The following LIMCH1 variants were observed in gnomAD, a reference collection of about 807,000 sequenced individuals.
LIMCH1 encodes LIM and calponin homology domains 1.
Under a neutral mutation model 176.5 loss-of-function variants are expected in LIMCH1, and 113 were observed. The observed-to-expected ratio is 0.64, with a 90% CI of 0.55 to 0.75. LIMCH1 has a LOEUF of 0.75. LIMCH1 is among the 30% of genes least tolerant of loss of function. The pLI is 0.00. For missense variants in LIMCH1, 1,674 were observed against 1,814.9 expected (o/e 0.92, Z 1.41); for synonymous variants, 619 against 645.9 (o/e 0.96, Z 0.63).
chr4:41,444,221 ACTC>A (rs2063010523), intron 1 of LIMCH1, among the ~76,000 whole-genome samples: 1 of 150,956 alleles, frequency 6.6e-6, no homozygotes, highest in South Asian at 2.1e-4. Flanking sequence ...TGTTTTTACT[ACTC>A]CTAAACGACT....
intron 1 of LIMCH1, among the ~76,000 whole-genome samples, chr4:41,379,239 A>G (rs1037688424): frequency 3.3e-5 from 5 of 152,154 alleles, no homozygotes; most frequent in African/African-American, 4.8e-5. Context: ...ATCTGCTTCT[A>G]AGATGGCTCC....
In LIMCH1 at chr4:41,682,399, G is replaced by C. The variant is rs1411947519; in HGVS notation, c.3784G>C (p.Gly1262Arg). Residue 1262 changes from glycine to arginine, a missense_variant, in exon 26 of 32, where the codon GGA (glycine) becomes CGA (arginine). Gly to Arg is a moderately radical substitution (Grantham distance 125). This residue lies in a region of LIMCH1 where 1,015 missense variants were observed against 1,102.5 expected (regional missense o/e 0.92). Coordinates refer to ENST00000503057, the MANE Select transcript of LIMCH1 (RefSeq NM_001330672.2). ...CAGAAGATGGAAGAAATCATTCCAG[G>C]GAGATGACAGTGACTTATTGCTGAA... ...QDRRWKKSFQ[G>R]DDSDLLLKTR... 1 of 1,613,112 alleles carries C rather than the reference G, an allele frequency of 6.2e-7. No homozygotes were observed. The highest frequency in any genetic ancestry group is 1.7e-5 in the Admixed American group (1 of 59,998).
chr4:41,612,732 G>A, intron 4 of LIMCH1: 5 of 680,452 alleles, frequency 7.3e-6, no homozygotes, highest in Non-Finnish European at 1.1e-5. Context: ...CTCTGAACAT[G>A]TGGGTCAGCC....
At chr4:41,585,889 T>C (rs2086363134) in intron 1 of LIMCH1, among the ~76,000 whole-genome samples, 3 of 152,192 alleles carry the variant, frequency 2.0e-5, no homozygotes, top group Non-Finnish European at 2.9e-5. Context: ...ACATCCGAAA[T>C]GTTATACTCC....
intron 1 of LIMCH1, among the ~76,000 whole-genome samples, chr4:41,493,308 T>TC (rs1325814817): frequency 6.6e-6 from 1 of 152,182 alleles, no homozygotes; most frequent in African/African-American, 2.4e-5. Flanking sequence ...TTTTTTATGA[T>TC]CAATTTTATC....
Position 41,629,817 on chromosome 4 carries a change from T to TTG in LIMCH1, c.1271+84_1271+85insGT, listed in dbSNP as rs1030279852. Reference sequence around the variant, plus strand: ...GCATCAAATGCTTATCTTTGTGTCTTTTTTTTTTTTGTCAGGGTCTTGCTC... The same window carrying TTG: ...GCATCAAATGCTTATCTTTGTGTCTTTGTTTTTTTTTTGTCAGGGTCTTGCTC... On this transcript the variant is annotated intron_variant, in intron 9 of 31. Transcript: ENST00000503057. 1.4e-5 allele frequency: 17 copies of TTG among 1,215,246 alleles called. No homozygotes were observed. The African/African-American group carries it at 2.2e-4, about 16-fold the overall frequency. 75.3% of individuals were successfully genotyped at this position (1,215,246 alleles called of 1,614,324 possible). A position where few individuals can be genotyped will look rare whatever the true frequency, so the allele number is the denominator to read the frequency against.
intron 1 of LIMCH1, among the ~76,000 whole-genome samples, chr4:41,479,536 GCCA>G (rs1415413591): frequency 3.3e-5 from 5 of 152,212 alleles, no homozygotes; most frequent in African/African-American, 1.2e-4. Flanking sequence ...ACAGGCGTGA[GCCA>G]CCGCGCCCAG....
intron 1 of LIMCH1, among the ~76,000 whole-genome samples, chr4:41,465,421 G>T (rs1383790813): frequency 6.6e-6 from 1 of 152,166 alleles, no homozygotes; most frequent in Admixed American, 6.5e-5. Flanking sequence ...TCAAAGGCTT[G>T]CCAGGCCTTG....
chr4:41,536,402 C>G (rs1299372431), upstream of LIMCH1, among the ~76,000 whole-genome samples: 2 of 152,130 alleles, frequency 1.3e-5, no homozygotes, highest in Admixed American at 1.3e-4. Flanking sequence ...ACCTTCATCT[C>G]AAATGGTACA....
intron 2 of LIMCH1, among the ~76,000 whole-genome samples, chr4:41,496,726 A>G (rs2072219539): frequency 1.3e-5 from 2 of 152,224 alleles, no homozygotes; most frequent in African/African-American, 2.4e-5. Flanking sequence ...CCCAAGGCCA[A>G]TCTAGCAAAA....
At chr4:41,547,663 T>G (rs1473012883) in intron 1 of LIMCH1, among the ~76,000 whole-genome samples, 1 of 145,932 alleles carries the variant, frequency 6.9e-6, no homozygotes, top group Non-Finnish European at 1.5e-5. Flanking sequence ...CAGATATAAA[T>G]ATATACATAT....
At chr4:41,604,138 A>G in intron 3 of LIMCH1, 1 of 911,638 alleles carries the variant, frequency 1.1e-6, no homozygotes, top group Non-Finnish European at 1.3e-6. Flanking sequence ...GAAATAAACA[A>G]GTGAAAGCTT....
intron 1 of LIMCH1, among the ~76,000 whole-genome samples, chr4:41,465,320 G>C (rs2065955454): frequency 6.6e-6 from 1 of 152,110 alleles, no homozygotes; most frequent in Non-Finnish European, 1.5e-5. Context: ...AAATCTGCTT[G>C]ATGAGTCTCT....
At chr4:41,460,730 A>T (rs1253478285) in intron 1 of LIMCH1, among the ~76,000 whole-genome samples, 1 of 152,026 alleles carries the variant, frequency 6.6e-6, no homozygotes. Context: ...TGGTGCCATT[A>T]TGAGTGGTTG....
chr4:41,553,096 C>A (rs916031813), intron 1 of LIMCH1, among the ~76,000 whole-genome samples: 1 of 152,206 alleles, frequency 6.6e-6, no homozygotes, highest in Non-Finnish European at 1.5e-5. Context: ...TCTTCTCTCC[C>A]TTCTGGAGTG....
chr4:41,696,262 CT>C (rs1188403603), intron 31 of LIMCH1, among the ~76,000 whole-genome samples: 3 of 152,180 alleles, frequency 2.0e-5, no homozygotes, highest in African/African-American at 7.2e-5. Flanking sequence ...ACATGTTTAA[CT>C]TGTGCCATTT....
At chr4:41,459,366 A>G (rs1378882599) in intron 1 of LIMCH1, among the ~76,000 whole-genome samples, 1 of 152,024 alleles carries the variant, frequency 6.6e-6, no homozygotes, top group African/African-American at 2.4e-5. Context: ...AGCAGCTTCA[A>G]CATGGCTCAT....
intron 1 of LIMCH1, among the ~76,000 whole-genome samples, chr4:41,417,175 G>C (rs941092281): frequency 7.4e-6 from 1 of 135,468 alleles, no homozygotes; most frequent in Non-Finnish European, 1.6e-5. Context: ...TTCTTTGTGA[G>C]GGGTTATCTA....
chr4:41,396,520 T>G (rs929763332), intron 1 of LIMCH1, among the ~76,000 whole-genome samples: 49 of 151,186 alleles, frequency 3.2e-4, no homozygotes, highest in African/African-American at 8.0e-4. Context: ...ATTGTGCGGG[T>G]TTTTTTTTGT....
Sources: gnomAD v4.1 joint callset for allele counts (sites outside exome capture counted in the v4.1 genomes callset) on GRCh38, gnomAD v4.1.1 for gene constraint, gnomAD v4.1.1 regional missense constraint, MANE v1.5 for transcripts, NCBI Gene and HGNC (gene_info 2026-07-23, HGNC 2026-07-21) for gene names.